Variants in PDE3B observed in about 807,000 individuals in gnomAD.
The protein encoded by PDE3B is phosphodiesterase 3B, also known as cGMP-inhibited 3',5'-cyclic phosphodiesterase 3B.
Under a neutral mutation model 116.8 loss-of-function variants are expected in PDE3B, and 66 were observed. The ratio of observed to expected loss-of-function variants is 0.56; its 90% CI spans 0.46 to 0.69. The LOEUF (loss-of-function observed/expected upper bound fraction) is 0.69. PDE3B is among the 30% of genes least tolerant of loss of function. The probability of loss-of-function intolerance (pLI) is 0.00; values close to 1 mark genes in which losing one functional copy is unlikely to be tolerated. For missense variants in PDE3B, 1,384 were observed against 1,368.1 expected (o/e 1.01, Z -0.18); for synonymous variants, 595 against 533.6 (o/e 1.12, Z -1.59).
chr11:14,787,996 A>C (rs893900535), intron 3 of PDE3B, among the ~76,000 whole-genome samples: 1 of 151,920 alleles, frequency 6.6e-6, no homozygotes, highest in African/African-American at 2.4e-5. Flanking sequence ...TTTTAAACAT[A>C]ATATTAATTA....
the PDE3B span, chr11:14,878,046 C>T: frequency 2.0e-6 from 3 of 1,486,274 alleles, no homozygotes; most frequent in Non-Finnish European, 1.9e-6. Flanking sequence ...TTCTAATACA[C>T]ACATTGATTT....
At chr11:14,819,529 A>AT (rs1290299319) in intron 7 of PDE3B, among the ~76,000 whole-genome samples, 4 of 152,116 alleles carry the variant, frequency 2.6e-5, no homozygotes, top group Non-Finnish European at 5.9e-5. Flanking sequence ...TTTTGCATAA[A>AT]TTTTTTATGG....
At chr11:14,796,632 T>C (rs1355253582) in intron 4 of PDE3B, among the ~76,000 whole-genome samples, 1 of 152,238 alleles carries the variant, frequency 6.6e-6, no homozygotes, top group East Asian at 1.9e-4. Context: ...ATAATGATCA[T>C]TTTTCATATG....
intron 1 of PDE3B, chr11:14,674,159 G>T: frequency 7.5e-7 from 1 of 1,334,976 alleles, no homozygotes. Context: ...TTCTTCCGAG[G>T]AGGCCAAGGA....
intron 1 of PDE3B, among the ~76,000 whole-genome samples, chr11:14,752,940 T>G (rs1857092772): frequency 6.6e-6 from 1 of 152,154 alleles, no homozygotes; most frequent in Admixed American, 6.6e-5. Flanking sequence ...CTCTCATTTA[T>G]TCCATTGCTT....
chr11:14,868,870 A>C (rs1555008526), intron 15 of PDE3B, among the ~76,000 whole-genome samples: 4 of 152,126 alleles, frequency 2.6e-5, no homozygotes. Flanking sequence ...AAAATACAAA[A>C]ATATGCTGGA....
chr11:14,736,887 G>A (rs1856614708), intron 1 of PDE3B, among the ~76,000 whole-genome samples: 1 of 152,046 alleles, frequency 6.6e-6, no homozygotes, highest in Admixed American at 6.6e-5. Context: ...TAAAGAAGTG[G>A]GTTCTGAACA....
intron 1 of PDE3B, among the ~76,000 whole-genome samples, chr11:14,729,937 T>C (rs1236305703): frequency 6.6e-6 from 1 of 152,102 alleles, no homozygotes; most frequent in Non-Finnish European, 1.5e-5. Context: ...GAAACGTTAC[T>C]GAGAAGCTTA....
chr11:14,713,152 A>G (rs1041044133), intron 1 of PDE3B, among the ~76,000 whole-genome samples: 10 of 152,360 alleles, frequency 6.6e-5, no homozygotes, highest in African/African-American at 2.4e-4. Flanking sequence ...TAGTTACACA[A>G]GTATCTGTTA....
At chr11:14,852,139 C>T (rs1847765874) in intron 12 of PDE3B, among the ~76,000 whole-genome samples, 2 of 152,298 alleles carry the variant, frequency 1.3e-5, no homozygotes, top group South Asian at 2.1e-4. Context: ...CCACTGCAAC[C>T]TCCATCTCCT....
At chr11:14,667,898 A>T (rs1400625300) in intron 1 of PDE3B, among the ~76,000 whole-genome samples, 1 of 151,958 alleles carries the variant, frequency 6.6e-6, no homozygotes, top group East Asian at 1.9e-4. Context: ...GCCATGTCCA[A>T]AATAATGCCT....
chr11:14,886,528 G>C, the PDE3B span: 1 of 153,460 alleles, frequency 6.5e-6, no homozygotes, highest in Non-Finnish European at 1.5e-5. Flanking sequence ...TAGGTTAGGT[G>C]GCTGCCTCTC....
chr11:14,786,847 A>G (rs995718245), intron 3 of PDE3B, among the ~76,000 whole-genome samples, 162 bp downstream of exon 3: 2 of 152,128 alleles, frequency 1.3e-5, no homozygotes, highest in African/African-American at 4.8e-5. Flanking sequence ...TCAAATAATT[A>G]TAGTTGAGTA....
chr11:14,699,048 G>A (rs899645056), intron 1 of PDE3B: 5 of 151,918 alleles, frequency 3.3e-5, no homozygotes, highest in Non-Finnish European at 5.9e-5. Context: ...TTAGTTGTTT[G>A]TGAGGGTTGT....
chr11:14,844,352 G>A (rs1248419596), intron 12 of PDE3B, among the ~76,000 whole-genome samples: 1 of 152,186 alleles, frequency 6.6e-6, no homozygotes, highest in Non-Finnish European at 1.5e-5. Context: ...CTGTTCCGCT[G>A]GAGCCAAGAT....
chr11:14,740,309 T>A (rs1230400648), intron 1 of PDE3B, among the ~76,000 whole-genome samples: 2 of 152,192 alleles, frequency 1.3e-5, no homozygotes, highest in Non-Finnish European at 2.9e-5. Flanking sequence ...AGGATTTGAC[T>A]TCTTCCTGGT....
At chr11:14,743,602 G>A (rs1228301813) in intron 1 of PDE3B, among the ~76,000 whole-genome samples, 2 of 152,192 alleles carry the variant, frequency 1.3e-5, no homozygotes, top group Admixed American at 1.3e-4. Context: ...ATGTGCCACT[G>A]GGGTATGAAA....
At chr11:14,766,675 C>CAA (rs967711227) in intron 1 of PDE3B, among the ~76,000 whole-genome samples, 1 of 144,724 alleles carries the variant, frequency 6.9e-6, no homozygotes, top group Non-Finnish European at 1.5e-5. Context: ...AACAAACAAA[C>CAA]AAAAAAAAAA....
At chr11:14,658,445 C>T (rs1405491081) in intron 1 of PDE3B, among the ~76,000 whole-genome samples, 4 of 152,126 alleles carry the variant, frequency 2.6e-5, no homozygotes, top group Admixed American at 2.6e-4. Flanking sequence ...CAACCTCCGT[C>T]TCCTGGGTTC....
Sources: allele counts gnomAD v4.1 joint callset (sites outside exome capture counted in the v4.1 genomes callset), GRCh38; gene constraint gnomAD v4.1.1; transcripts MANE v1.5; gene names NCBI Gene and HGNC (gene_info 2026-07-23, HGNC 2026-07-21).